The following DNAJC16 variants were observed in gnomAD, a reference collection of about 807,000 sequenced individuals.
DNAJC16 encodes DnaJ heat shock protein family (Hsp40) member C16, also known as dnaJ homolog subfamily C member 16.
A neutral mutation model predicts 92.7 loss-of-function variants in DNAJC16; 76 were observed. The ratio of observed to expected loss-of-function variants is 0.82; its 90% CI spans 0.68 to 0.99. The LOEUF is 0.99. Ranked by LOEUF, DNAJC16 falls within the 50% of genes least tolerant of loss-of-function variation. The pLI is 0.00. For synonymous variants in DNAJC16, 328 were observed against 358.7 expected, an observed-to-expected ratio of 0.91 and a Z score of 0.97; for missense variants, 869 against 942.4, an observed-to-expected ratio of 0.92 and a Z score of 1.02.
intron 3 of DNAJC16, 109 bp from the exon 4 acceptor site, chr1:15,536,366 C>A: frequency 2.2e-6 from 2 of 908,386 alleles, no homozygotes; most frequent in East Asian, 2.7e-5. Flanking sequence ...AGGTGTGAGC[C>A]ACCACGACTG....
At position 15,564,310 on chromosome 1, in the gene DNAJC16, G is replaced by C; in HGVS notation, c.1549G>C (p.Ala517Pro). ...PVFLLRWFYSASDYISDCWDS... is the reference protein window; with the variant it reads ...PVFLLRWFYSPSDYISDCWDS... The stretch of plus-strand genomic sequence containing the variant: ...TTTTCTCCTTCGATGGTTCTACTCT[G>C]CTTCTGACTACATCTCAGACTGCTG... Residue 517 changes from alanine to proline, a missense_variant, in exon 11 of 15, where the codon GCT (alanine) becomes CCT (proline). Coordinates refer to ENST00000375847, the MANE Select transcript of DNAJC16 (RefSeq NM_015291.4). 1 of 1,610,962 alleles carries C rather than the reference G, an allele frequency of 6.2e-7. No homozygotes were observed. Among genetic ancestry groups the C allele is most frequent in the Non-Finnish European group, 8.5e-7 (1 of 1,177,096 alleles).
chr1:15,535,564 A>C (rs1156418333), intron 3 of DNAJC16, among the ~76,000 whole-genome samples: 1 of 152,070 alleles, frequency 6.6e-6, no homozygotes, highest in African/African-American at 2.4e-5. Flanking sequence ...CAGCCTAGAC[A>C]ACATGGTGAA....
chr1:15,532,787 A>G (rs1032320651), intron 2 of DNAJC16, among the ~76,000 whole-genome samples: 1 of 151,402 alleles, frequency 6.6e-6, no homozygotes, highest in African/African-American at 2.4e-5. Context: ...ACTAGCTGAG[A>G]TTTTTTTCCC....
chr1:15,546,704 C>T, intron 5 of DNAJC16, 63 bp from the exon 6 acceptor site: 3 of 1,274,454 alleles, frequency 2.4e-6, no homozygotes, highest in Non-Finnish European at 2.2e-6. Flanking sequence ...TTTCTCCTGA[C>T]TGGAGTATAA....
In DNAJC16 at chr1:15,567,110, A is replaced by C. The variant is rs1337120233; in HGVS notation, c.1790A>C (p.Lys597Thr). 8 of 1,607,564 alleles carry C rather than the reference A, an allele frequency of 5.0e-6. No homozygotes were observed. The highest frequency in any genetic ancestry group is 6.8e-6 in the Non-Finnish European group (8 of 1,174,396). ...ATATTTCTCCACAGCAAGATTCCTA[A>C]AAAAGGCTTTGTGGAGGTAACTGAA... is the stretch of plus-strand genomic sequence containing the variant. The part of the protein sequence containing the change: ...FTKENSSKIP[K>T]KGFVEVTELT... Residue 597 changes from lysine (K) to threonine (T), a missense_variant, in exon 14 of 15, where the codon AAA becomes ACA. Lys to Thr is a moderately conservative substitution (Grantham distance 78). Coordinates refer to ENST00000375847, the MANE Select transcript of DNAJC16 (RefSeq NM_015291.4).
chr1:15,550,759 C>T (rs1386650014), intron 7 of DNAJC16, among the ~76,000 whole-genome samples: 1 of 152,208 alleles, frequency 6.6e-6, no homozygotes, highest in Non-Finnish European at 1.5e-5. Flanking sequence ...GTGAAGCTGC[C>T]AGTGCCAGTG....
intron 7 of DNAJC16, among the ~76,000 whole-genome samples, chr1:15,549,856 G>T (rs1408245493): frequency 6.6e-6 from 1 of 151,848 alleles, no homozygotes; most frequent in East Asian, 1.9e-4. Context: ...TGAGCGAGGG[G>T]GACCATGTTC....
Position 15,536,665 on chromosome 1 carries a change from A to G in DNAJC16, c.425A>G (p.Tyr142Cys), listed in dbSNP as rs142352537. The part of the protein sequence containing the change: ...SERRDSIDEK[Y>C]LLHFSHYVNE... ...CGGCGGGACTCAATTGACGAAAAGT[A>G]TTTATTGCACTTTTCACATTATGTG... is the stretch of plus-strand genomic sequence containing the variant. Residue 142 changes from tyrosine (Y) to cysteine (C), a missense_variant, in exon 4 of 15, where the codon TAT (tyrosine) becomes TGT (cysteine). Physicochemically the swap from Tyr to Cys is radical, Grantham distance 194. Coordinates refer to ENST00000375847, the MANE Select transcript of DNAJC16 (RefSeq NM_015291.4). 135 of 1,613,966 alleles carry G rather than the reference A, an allele frequency of 8.4e-5. No individual in the cohort carries two copies. The highest frequency in any genetic ancestry group is 1.1e-4 in the Non-Finnish European group (126 of 1,180,012).
chr1:15,544,656 C>A, intron 5 of DNAJC16, 73 bp downstream of exon 5: 2 of 1,470,086 alleles, frequency 1.4e-6, no homozygotes, highest in Non-Finnish European at 1.9e-6. Flanking sequence ...TTGCCCAGAA[C>A]ATTTTCTGTA....
chr1:15,564,543 T>C (rs1268978258), intron 11 of DNAJC16, among the ~76,000 whole-genome samples, 184 bp downstream of exon 11: 2 of 141,868 alleles, frequency 1.4e-5, no homozygotes, highest in Non-Finnish European at 3.0e-5. Flanking sequence ...TTTTATTTTT[T>C]ACTTTTTTTT....
At chr1:15,552,965 T>C (rs1202397442) in intron 7 of DNAJC16, among the ~76,000 whole-genome samples, 1 of 151,914 alleles carries the variant, frequency 6.6e-6, no homozygotes, top group African/African-American at 2.4e-5. Flanking sequence ...AGACAGGGTT[T>C]CACCATGTTG....
rs1054629922 is a variant in DNAJC16, at chr1:15,570,890, T to G, written c.*2713T>G. ...GATTTTGGTTCTAACACAGTGGTCT[T>G]TGACTATCAACATTGATGTTTTTAG... On this transcript the variant is annotated 3_prime_UTR_variant, in exon 15 of 15. Transcript: ENST00000375847. The G allele has an allele frequency of 3.3e-5, 5 of 152,206 alleles. No homozygotes were observed. Among genetic ancestry groups the G allele is most frequent in the Admixed American group, 1.3e-4 (2 of 15,270 alleles). 9.4% of individuals were successfully genotyped at this position (152,206 alleles called of 1,614,324 possible).
intron 1 of DNAJC16, 51 bp downstream of exon 1, chr1:15,527,009 G>T (rs950042405): frequency 5.3e-5 from 8 of 152,336 alleles, no homozygotes; most frequent in Non-Finnish European, 8.8e-5. Flanking sequence ...GCGGGGCCAG[G>T]CCGACTCAGG....
At chr1:15,559,468 C>T (rs1638643157) in intron 7 of DNAJC16, 58 bp from the exon 8 acceptor site, 4 of 1,599,586 alleles carry the variant, frequency 2.5e-6, no homozygotes, top group South Asian at 1.1e-5. Flanking sequence ...AAAGAAAGCC[C>T]ATCTATTTGC....
chr1:15,547,892 A>G (rs2103414846), intron 6 of DNAJC16, among the ~76,000 whole-genome samples: 1 of 151,018 alleles, frequency 6.6e-6, no homozygotes, highest in East Asian at 1.9e-4. Flanking sequence ...GCCTACCTAC[A>G]CTCCCCACTA....
intron 2 of DNAJC16, 71 bp from the exon 3 acceptor site, chr1:15,534,165 TG>T: frequency 6.5e-7 from 1 of 1,532,324 alleles, no homozygotes; most frequent in Non-Finnish European, 9.0e-7. Context: ...GTGAACTCTG[TG>T]GACAAGGACA....
At position 15,564,351 on chromosome 1, in the gene DNAJC16, C is replaced by G; in HGVS notation, c.1590C>G (p.His530Gln). 1 of 1,596,492 alleles carries G rather than the reference C, an allele frequency of 6.3e-7. No homozygotes were observed. Among genetic ancestry groups the G allele is most frequent in the Non-Finnish European group, 8.6e-7 (1 of 1,163,840 alleles). Residue 530 changes from histidine to glutamine, a missense_variant, in exon 11 of 15, where the codon CAC (histidine) becomes CAG (glutamine). Transcript: ENST00000375847. ...YISDCWDSIF[H>Q]NNWREMMPLL... Reference sequence around the variant, plus strand: ...CAGACTGCTGGGATAGCATTTTTCACAACAACTGGTAGGGATATTGCCAGG... The same window carrying G: ...CAGACTGCTGGGATAGCATTTTTCAGAACAACTGGTAGGGATATTGCCAGG...
At position 15,564,373 on chromosome 1, in the gene DNAJC16, C is replaced by A; in HGVS notation, c.1598+14C>A. 3 of 1,539,218 alleles carry A rather than the reference C, an allele frequency of 1.9e-6. No individual in the cohort carries two copies. Among genetic ancestry groups the A allele is most frequent in the Non-Finnish European group, 2.7e-6 (3 of 1,111,796 alleles). ...TCACAACAACTGGTAGGGATATTGC[C>A]AGGCTGAATTTCTTTTTCTCTGTTA... On this transcript the variant is annotated intron_variant, in intron 11 of 14. Coordinates refer to ENST00000375847, the MANE Select transcript of DNAJC16 (RefSeq NM_015291.4).
intron 13 of DNAJC16, 181 bp downstream of exon 13, chr1:15,566,361 T>C (rs1239578945): frequency 3.4e-6 from 2 of 580,064 alleles, no homozygotes; most frequent in Non-Finnish European, 6.0e-6. Flanking sequence ...CTGTAGGTGT[T>C]TAGATGCCTT....
Sources: allele counts gnomAD v4.1 joint callset (sites outside exome capture counted in the v4.1 genomes callset), GRCh38; gene constraint gnomAD v4.1.1; transcripts MANE v1.5; gene names NCBI Gene and HGNC (gene_info 2026-07-23, HGNC 2026-07-21).